NLRP1: variants seen among roughly 807,000 people sequenced by gnomAD.
NLRP1 encodes the protein NLR family pyrin domain containing 1, also known as NACHT, LRR and PYD domains-containing protein 1.
NLRP1 carries 94 observed loss-of-function variants against 136.7 expected under a neutral mutation model. The ratio of observed to expected loss-of-function variants is 0.69; its 90% CI spans 0.58 to 0.82. NLRP1 has a LOEUF of 0.82. Among genes scored for constraint, NLRP1 ranks in the 40% least tolerant of loss-of-function variants. The pLI, the probability that NLRP1 is intolerant of heterozygous loss-of-function variation, is 0.00. For missense variants in NLRP1, 1,575 were observed against 1,802.7 expected, an observed-to-expected ratio of 0.87 and a Z score of 2.29; for synonymous variants, 690 against 725.1, an observed-to-expected ratio of 0.95 and a Z score of 0.78.
At chr17:5,549,331 T>C (rs991460275) in intron 5 of NLRP1, among the ~76,000 whole-genome samples, 5 of 152,084 alleles carry the variant, frequency 3.3e-5, no homozygotes, top group African/African-American at 1.2e-4. Flanking sequence ...CAGGTTGGAG[T>C]GCAGTGGCAC....
chr17:5,520,830 C>T lies in NLRP1; in HGVS notation c.3915+51G>A, dbSNP rs1315632308. 7 of 1,476,380 alleles carry T rather than the reference C, an allele frequency of 4.7e-6. 1 individual carries two copies. In the South Asian group the frequency reaches 8.5e-5, roughly 18 times the overall value. 91.5% of individuals were successfully genotyped at this position (1,476,380 alleles called of 1,614,324 possible). On this transcript the variant is annotated intron_variant, in intron 14 of 16. Coordinates refer to ENST00000572272, the MANE Select transcript of NLRP1 (RefSeq NM_033004.4). The stretch of plus-strand genomic sequence containing the variant: ...GAGACCTGCCCCACAGGCATTCATT[C>T]CCAGGTAGGACTTCTGTTCGCAGTG...
At position 5,517,844 on chromosome 17, in the gene NLRP1, A is replaced by T; in HGVS notation, c.3959T>A (p.Phe1320Tyr). 6.2e-7 allele frequency: 1 copy of T among 1,614,170 alleles called. No homozygotes were observed. Among genetic ancestry groups the T allele is most frequent in the Non-Finnish European group, 8.5e-7 (1 of 1,180,030 alleles). ...CYRSPGEDQL[F>Y]SEFYVGHLGS... ...CAAGTGGCCAACGTAGAACTCCGAGAACAGCTGGTCTTCTCCAGGGCTTCG... is the reference window on the plus strand; with the variant it reads ...CAAGTGGCCAACGTAGAACTCCGAGTACAGCTGGTCTTCTCCAGGGCTTCG... Residue 1320 changes from phenylalanine to tyrosine, a missense_variant, in exon 15 of 17, where the codon TTC (phenylalanine) becomes TAC (tyrosine). Phe to Tyr is a conservative substitution (Grantham distance 22). Coordinates refer to ENST00000572272, the MANE Select transcript of NLRP1 (RefSeq NM_033004.4).
intron 14 of NLRP1, among the ~76,000 whole-genome samples, chr17:5,520,518 C>A (rs924245063): frequency 6.6e-6 from 1 of 152,194 alleles, no homozygotes; most frequent in African/African-American, 2.4e-5. Flanking sequence ...TTTACTGAGA[C>A]ACCCCATGGT....
chr17:5,573,927 C>A (rs1169364614), intron 3 of NLRP1, among the ~76,000 whole-genome samples: 1 of 152,214 alleles, frequency 6.6e-6, no homozygotes, highest in East Asian at 1.9e-4. Context: ...AACATAGCTC[C>A]TCGCCAGCAA....
At chr17:5,556,111 TCTCTACACACACACACAC>T (rs1914030958) in intron 4 of NLRP1, among the ~76,000 whole-genome samples, 1 of 131,334 alleles carries the variant, frequency 7.6e-6, no homozygotes, top group African/African-American at 2.9e-5. Context: ...TCTGTCTCTC[TCTCTACACACACACACAC>T]ACACACACAC....
At chr17:5,542,616 C>A (rs1889792628) in intron 5 of NLRP1, among the ~76,000 whole-genome samples, 2 of 152,138 alleles carry the variant, frequency 1.3e-5, no homozygotes, top group South Asian at 4.1e-4. Context: ...TTCTCTATAG[C>A]TCATGTCACT....
chr17:5,534,521 A>G (rs1597417373), intron 8 of NLRP1, among the ~76,000 whole-genome samples: 1 of 152,220 alleles, frequency 6.6e-6, no homozygotes, highest in African/African-American at 2.4e-5. Context: ...GCCCACCCTA[A>G]GAGCTGATCA....
downstream of NLRP1, chr17:5,512,146 G>T (rs948125706): frequency 2.2e-6 from 2 of 898,946 alleles, no homozygotes; most frequent in Non-Finnish European, 3.8e-6. Context: ...CAGACCAACT[G>T]TGGCCATTCG....
In NLRP1 at chr17:5,541,784, G is replaced by C. The variant is rs537153741; in HGVS notation, c.2699+73C>G. 6.7e-7 allele frequency: 1 copy of C among 1,494,410 alleles called. No homozygotes were observed. The highest frequency in any genetic ancestry group is 9.2e-7 in the Non-Finnish European group (1 of 1,081,916). 92.6% of individuals were successfully genotyped at this position (1,494,410 alleles called of 1,614,324 possible). A position where few individuals can be genotyped will look rare whatever the true frequency, so the allele number is the denominator to read the frequency against. ...ACAAAGCAGGTCTCACCTTCTCTCT[G>C]CTCTTACCCTCTGCCTGCCTCATGG... is the stretch of plus-strand genomic sequence containing the variant. On this transcript the variant is annotated intron_variant, in intron 6 of 16. Transcript: ENST00000572272. This position sits in a 1 kb window ranked among gnomAD's most constrained non-coding sequence, Gnocchi z 4.2.
intron 12 of NLRP1, among the ~76,000 whole-genome samples, chr17:5,526,790 G>A (rs1318833857): frequency 6.6e-6 from 1 of 152,198 alleles, no homozygotes; most frequent in African/African-American, 2.4e-5. Context: ...TTTGTGCTGG[G>A]CCCTATGACT....
At chr17:5,517,362 C>CCGCCG (rs1555542066) in intron 15 of NLRP1, among the ~76,000 whole-genome samples, 6 of 61,568 alleles carry the variant, frequency 9.7e-5, no homozygotes, top group Non-Finnish European at 1.9e-4. Context: ...CCCCCCCCCT[C>CCGCCG]CCACATACAC....
At chr17:5,580,602 A>G (rs1905531097) in intron 3 of NLRP1, among the ~76,000 whole-genome samples, 1 of 152,100 alleles carries the variant, frequency 6.6e-6, no homozygotes, top group South Asian at 2.1e-4. Context: ...TGGAAACTTT[A>G]TTTATAGCAA....
At chr17:5,547,288 C>A (rs1417922043) in intron 5 of NLRP1, among the ~76,000 whole-genome samples, 1 of 152,164 alleles carries the variant, frequency 6.6e-6, no homozygotes, top group Non-Finnish European at 1.5e-5. Flanking sequence ...GCACACATGA[C>A]CCTAAGTACA....
At chr17:5,502,390 A>T (rs1907135133) in intron 15 of NLRP1, 1 of 162,424 alleles carries the variant, frequency 6.2e-6, no homozygotes, top group African/African-American at 2.4e-5. Context: ...CCCAGGTTCA[A>T]GCGATTCTCC....
rs1910485295 is a variant in NLRP1 at position 5,532,824 on chromosome 17, G to T, written c.3294C>A (p.Tyr1098Ter). ...ACCAGCAGAGCCCCCTCACTCACCGGTACAAGTTCTTTTCTTTGTCAACTA... is the reference window on the plus strand; with the variant it reads ...ACCAGCAGAGCCCCCTCACTCACCGTTACAAGTTCTTTTCTTTGTCAACTA... The part of the protein sequence containing the change: ...TEVVDKEKNL[Y>*]RVHFPVAGSY... Residue 1098 changes from tyrosine to a stop codon, truncating the protein, a stop_gained and splice_region_variant, in exon 11 of 17, where the codon TAC (tyrosine) becomes TAA (stop). Coordinates refer to ENST00000572272, the MANE Select transcript of NLRP1 (RefSeq NM_033004.4). LOFTEE classifies it high-confidence loss of function. 1 of 1,600,304 alleles carries T rather than the reference G, an allele frequency of 6.2e-7. No individual in the cohort carries two copies. The highest frequency in any genetic ancestry group is 8.5e-7 in the Non-Finnish European group (1 of 1,174,460).
chr17:5,527,743 C>T (rs913002259), intron 12 of NLRP1, among the ~76,000 whole-genome samples: 1 of 152,268 alleles, frequency 6.6e-6, no homozygotes, highest in Admixed American at 6.5e-5. Context: ...GACAGTGCCA[C>T]AAGCACAGTG....
chr17:5,573,442 C>T (rs1359736846), intron 3 of NLRP1, among the ~76,000 whole-genome samples: 1 of 152,150 alleles, frequency 6.6e-6, no homozygotes, highest in Admixed American at 6.5e-5. Flanking sequence ...CTTAAATGTC[C>T]CTGTTTGACA....
chr17:5,531,882 T>G (rs1910323310), intron 11 of NLRP1, among the ~76,000 whole-genome samples: 1 of 152,002 alleles, frequency 6.6e-6, no homozygotes, highest in African/African-American at 2.4e-5. Flanking sequence ...ATTAAGAGAG[T>G]TAAGTGAGAT....
In NLRP1 at chr17:5,581,979, T is replaced by C; in HGVS notation, c.532A>G (p.Thr178Ala). ...SPSQESPNAP[T>A]STAVLGSWGS... ...CAGCTCCCCAGCACTGCTGTGGATG[T>C]GGGGGCGTTGGGTGACTCCTGGCTT... The change falls in exon 3 of 17, where the codon ACA (threonine) becomes GCA (alanine). Residue 178 changes from threonine (T) to alanine (A), a missense_variant. Thr to Ala is a moderately conservative substitution (Grantham distance 58). Coordinates refer to ENST00000572272, the MANE Select transcript of NLRP1 (RefSeq NM_033004.4). The C allele has an allele frequency of 6.2e-7, 1 of 1,613,488 alleles. No homozygotes were observed. The highest frequency in any genetic ancestry group is 2.2e-5 in the East Asian group (1 of 44,858).
Sources: gnomAD v4.1 joint callset for allele counts (sites outside exome capture counted in the v4.1 genomes callset) on GRCh38, gnomAD v4.1.1 for gene constraint, Gnocchi (gnomAD v3.1) non-coding constraint, MANE v1.5 for transcripts, NCBI Gene and HGNC (gene_info 2026-07-23, HGNC 2026-07-21) for gene names.